Variants in CDK5RAP1 observed in about 807,000 individuals in gnomAD.
CDK5RAP1 encodes the protein mitochondrial tRNA methylthiotransferase CDK5RAP1.
CDK5RAP1 carries 62 observed loss-of-function variants against 64.5 expected under a neutral mutation model. That is an observed-to-expected ratio of 0.96 (90% CI 0.78 to 1.19). The LOEUF (loss-of-function observed/expected upper bound fraction) is 1.19, where lower values mean the gene tolerates loss of function less well. Among genes scored for constraint, CDK5RAP1 ranks in the 50% most tolerant of loss-of-function variants. The pLI is 0.00. For synonymous variants in CDK5RAP1, 250 were observed against 261.9 expected (o/e 0.95, Z 0.44); for missense variants, 657 against 735.0 (o/e 0.89, Z 1.23).
intron 11 of CDK5RAP1, among the ~76,000 whole-genome samples, chr20:33,368,222 A>G (rs1984338461): frequency 6.6e-6 from 1 of 152,178 alleles, no homozygotes. Flanking sequence ...ATTAGGTCCC[A>G]AAGTGAACAT....
At chr20:33,373,788 T>C (rs1378583416) in intron 9 of CDK5RAP1, 10 of 277,940 alleles carry the variant, frequency 3.6e-5, no homozygotes, top group Non-Finnish European at 6.0e-5. Context: ...ACCCAGTCCT[T>C]AGCCTATGTT....
chr20:33,399,808 T>C (rs560140122), intron 1 of CDK5RAP1, among the ~76,000 whole-genome samples: 2 of 152,250 alleles, frequency 1.3e-5, no homozygotes, highest in Admixed American at 1.3e-4. Flanking sequence ...GGCGGATTGT[T>C]TGAGCTCAGG....
intron 3 of CDK5RAP1, among the ~76,000 whole-genome samples, chr20:33,394,725 T>C (rs1407796401): frequency 6.6e-6 from 1 of 152,140 alleles, no homozygotes; most frequent in Non-Finnish European, 1.5e-5. Context: ...TTCCATAACT[T>C]TTTCATCTTC....
intron 5 of CDK5RAP1, among the ~76,000 whole-genome samples, chr20:33,390,820 A>C (rs908421009): frequency 8.5e-5 from 13 of 152,156 alleles, no homozygotes; most frequent in Admixed American, 4.6e-4. Context: ...CATCGTTAGG[A>C]GAGATTAATT....
At chr20:33,391,710 C>G (rs1403332247) in intron 5 of CDK5RAP1, among the ~76,000 whole-genome samples, 4 of 151,966 alleles carry the variant, frequency 2.6e-5, no homozygotes, top group African/African-American at 9.7e-5. Context: ...ATCCCAGCTA[C>G]TCGGGAGGCT....
chr20:33,378,018 A>T (rs1319634838), intron 8 of CDK5RAP1, among the ~76,000 whole-genome samples: 1 of 152,224 alleles, frequency 6.6e-6, no homozygotes, highest in Non-Finnish European at 1.5e-5. Context: ...TCAGTGGAGT[A>T]GTACTTTTAA....
At chr20:33,384,673 A>T (rs1156228781) in intron 7 of CDK5RAP1, among the ~76,000 whole-genome samples, 1 of 152,104 alleles carries the variant, frequency 6.6e-6, no homozygotes, top group Non-Finnish European at 1.5e-5. Flanking sequence ...AGGCCAAGAC[A>T]GTAGGATTAC....
chr20:33,397,968 G>A (rs907866340), intron 1 of CDK5RAP1, among the ~76,000 whole-genome samples: 1 of 151,870 alleles, frequency 6.6e-6, no homozygotes, highest in Non-Finnish European at 1.5e-5. Flanking sequence ...CTACAGTTTG[G>A]ACAACAGAGC....
At chr20:33,359,977 G>A (rs1246245661) in intron 13 of CDK5RAP1, 1 of 182,112 alleles carries the variant, frequency 5.5e-6, no homozygotes, top group Admixed American at 5.6e-5. Context: ...TCGAGCACAT[G>A]TAAGTTAAAG....
intron 8 of CDK5RAP1, among the ~76,000 whole-genome samples, chr20:33,377,016 A>T (rs914169585): frequency 6.6e-6 from 1 of 152,154 alleles, no homozygotes; most frequent in Non-Finnish European, 1.5e-5. Flanking sequence ...GCTTCAACTT[A>T]AAGTCACCAG....
rs1169886385 is a variant in CDK5RAP1 at position 33,374,156 on chromosome 20, G to T, written c.1164C>A (p.Ala388=). 5 of 1,613,974 alleles carry T rather than the reference G, an allele frequency of 3.1e-6. No homozygotes were observed. The highest frequency in any genetic ancestry group is 4.2e-6 in the Non-Finnish European group (5 of 1,179,880). The part of the protein sequence containing the change: ...DNICKQIHLP[A]QSGSSRVLEA... ...CCAACACACGGCTGCTTCCACTCTG[G>T]GCTGGCAGGTGGATCTGTTTACAGA... The change falls in exon 9 of 14, where the codon GCC becomes GCA. Residue 388 remains alanine (A), a synonymous_variant. Coordinates refer to ENST00000346416, the MANE Select transcript of CDK5RAP1 (RefSeq NM_016408.4).
chr20:33,391,203 A>G (rs1454629361), intron 5 of CDK5RAP1, among the ~76,000 whole-genome samples: 1 of 148,324 alleles, frequency 6.7e-6, no homozygotes, highest in East Asian at 2.0e-4. Flanking sequence ...GCAGTGAGCC[A>G]TGATCATGCC....
At chr20:33,359,176 G>A (rs1340462779) in intron 13 of CDK5RAP1, 53 bp from the exon 14 acceptor site, 1 of 1,317,384 alleles carries the variant, frequency 7.6e-7, no homozygotes, top group Admixed American at 1.7e-5. Context: ...GTAGCACTGG[G>A]ACTTCATGTG....
At chr20:33,361,037 A>C (rs1982820453) in intron 12 of CDK5RAP1, among the ~76,000 whole-genome samples, 4 of 152,230 alleles carry the variant, frequency 2.6e-5, no homozygotes, top group South Asian at 4.1e-4. Flanking sequence ...AAGAGACAGA[A>C]ACAAGTTTAC....
intron 10 of CDK5RAP1, among the ~76,000 whole-genome samples, chr20:33,370,956 C>T (rs1348818179): frequency 1.3e-5 from 2 of 152,226 alleles, no homozygotes; most frequent in South Asian, 2.1e-4. Flanking sequence ...GTGCTTCATA[C>T]AAAAATATAT....
At chr20:33,374,266 A>G in intron 8 of CDK5RAP1, 54 bp from the exon 9 acceptor site, 1 of 1,155,662 alleles carries the variant, frequency 8.7e-7, no homozygotes, top group Admixed American at 1.7e-5. Context: ...AGAACCTTAC[A>G]GAAAGCAATA....
intron 2 of CDK5RAP1, among the ~76,000 whole-genome samples, chr20:33,395,850 C>T (rs1988851929): frequency 6.6e-6 from 1 of 151,908 alleles, no homozygotes; most frequent in African/African-American, 2.4e-5. Context: ...CAGGTCTCCA[C>T]TAAAAATACA....
In CDK5RAP1 at chr20:33,395,810, C is replaced by T. The variant is rs1988848778; in HGVS notation, c.305-694G>A. ...GGCAGATCACTTGAGGTCAGGAGTTCGAGACCAGCCTAGCCAAAATGGTGA... is the reference window on the plus strand; with the variant it reads ...GGCAGATCACTTGAGGTCAGGAGTTTGAGACCAGCCTAGCCAAAATGGTGA... On this transcript the variant is annotated intron_variant, in intron 2 of 13. Transcript: ENST00000346416. Among the ~76,000 whole-genome samples, 6 of 152,030 alleles carry T rather than the reference C, an allele frequency of 3.9e-5. No individual in the cohort carries two copies. In the South Asian group the frequency reaches 1.2e-3, roughly 31 times the overall value.
intron 12 of CDK5RAP1, among the ~76,000 whole-genome samples, chr20:33,364,476 C>T (rs551450538): frequency 3.1e-4 from 47 of 152,140 alleles, no homozygotes; most frequent in African/African-American, 9.6e-4. Flanking sequence ...CGTGAGCCAC[C>T]GCGCCTGGCC....
Sources: gnomAD v4.1 joint callset for allele counts (sites outside exome capture counted in the v4.1 genomes callset) on GRCh38, gnomAD v4.1.1 for gene constraint, MANE v1.5 for transcripts, NCBI Gene and HGNC (gene_info 2026-07-23, HGNC 2026-07-21) for gene names.